Variants in GPR158 observed in about 807,000 individuals in gnomAD.
GPR158 encodes metabotropic glycine receptor.
Under a neutral mutation model 78.2 loss-of-function variants are expected in GPR158, and 30 were observed. The observed-to-expected ratio is 0.38, with a 90% CI of 0.29 to 0.52. The LOEUF is 0.52. Ranked by LOEUF, GPR158 falls within the 20% of genes least tolerant of loss-of-function variation. The probability of loss-of-function intolerance (pLI) is 0.83; values close to 1 mark genes in which losing one functional copy is unlikely to be tolerated. For missense variants in GPR158, 1,463 were observed against 1,523.5 expected, an observed-to-expected ratio of 0.96 and a Z score of 0.66; for synonymous variants, 581 against 591.1, an observed-to-expected ratio of 0.98 and a Z score of 0.25.
chr10:25,599,857 GTAT>G lies in GPR158; in HGVS notation c.*587_*589del, dbSNP rs1837469148. 1 of 152,818 alleles carries G rather than the reference GTAT, an allele frequency of 6.5e-6. No individual in the cohort carries two copies. Among genetic ancestry groups the G allele is most frequent in the Non-Finnish European group, 1.5e-5 (1 of 68,270 alleles). The allele number at this position is 152,818 out of a possible 1,614,324, so 9.5% of individuals were successfully genotyped here. A position where few individuals can be genotyped will look rare whatever the true frequency, so the allele number is the denominator to read the frequency against. ...TGTATAATTTTTGCAAATAACTTTG[GTAT>G]TATGTGACACAACACATTTATGCAA... is the stretch of plus-strand genomic sequence containing the variant. On this transcript the variant is annotated 3_prime_UTR_variant, in exon 11 of 11. Coordinates refer to ENST00000376351, the MANE Select transcript of GPR158 (RefSeq NM_020752.3).
chr10:25,558,681 A>G (rs1297292901), intron 6 of GPR158, among the ~76,000 whole-genome samples: 1 of 152,222 alleles, frequency 6.6e-6, no homozygotes, highest in African/African-American at 2.4e-5. Flanking sequence ...GCTCAGTCCA[A>G]AACAACTGAG....
chr10:25,418,881 T>C (rs1834705316), intron 4 of GPR158, among the ~76,000 whole-genome samples: 1 of 150,714 alleles, frequency 6.6e-6, no homozygotes, highest in Admixed American at 6.6e-5. Context: ...TTCTCCTCTA[T>C]TGCTATAATC....
At chr10:25,580,268 A>G (rs570575246) in intron 7 of GPR158, among the ~76,000 whole-genome samples, 6 of 152,358 alleles carry the variant, frequency 3.9e-5, no homozygotes, top group South Asian at 4.1e-4. Flanking sequence ...TGGATTTCAC[A>G]TAATATAAAA....
chr10:25,567,020 C>G (rs566847547), intron 6 of GPR158, among the ~76,000 whole-genome samples: 1 of 152,064 alleles, frequency 6.6e-6, no homozygotes, highest in Non-Finnish European at 1.5e-5. Flanking sequence ...GGAATTTCTA[C>G]GAACATGGTA....
intron 2 of GPR158, among the ~76,000 whole-genome samples, chr10:25,324,301 T>G (rs535724461): frequency 3.3e-5 from 5 of 152,370 alleles, no homozygotes; most frequent in South Asian, 2.1e-4. Context: ...AACTATTCCT[T>G]TCACTTGAAC....
intron 6 of GPR158, among the ~76,000 whole-genome samples, chr10:25,551,933 T>C (rs1253733533): frequency 6.6e-6 from 1 of 152,204 alleles, no homozygotes; most frequent in Non-Finnish European, 1.5e-5. Flanking sequence ...AGTCTGGCCA[T>C]ACATGTTTCT....
At chr10:25,528,708 A>G (rs1240887846) in intron 5 of GPR158, among the ~76,000 whole-genome samples, 2 of 152,226 alleles carry the variant, frequency 1.3e-5, no homozygotes, top group Non-Finnish European at 2.9e-5. Flanking sequence ...TGTTCTGTAG[A>G]ATCATTGTAA....
chr10:25,457,544 G>A (rs1421577858), intron 4 of GPR158, among the ~76,000 whole-genome samples: 2 of 152,068 alleles, frequency 1.3e-5, no homozygotes. Context: ...AGATTACAGA[G>A]AAGTAGCAGC....
At chr10:25,361,244 T>C (rs1203913634) in intron 2 of GPR158, among the ~76,000 whole-genome samples, 1 of 151,980 alleles carries the variant, frequency 6.6e-6, no homozygotes, top group Admixed American at 6.6e-5. Context: ...TGTTCAACTA[T>C]GTTGTGGCAT....
intron 3 of GPR158, among the ~76,000 whole-genome samples, chr10:25,407,665 T>C (rs1446839383): frequency 6.6e-6 from 1 of 152,170 alleles, no homozygotes; most frequent in Non-Finnish European, 1.5e-5. Context: ...GGAGACAGTC[T>C]TGATGCTTTT....
Position 25,469,592 on chromosome 10 carries a change from G to C in GPR158, c.1404+2873G>C, listed in dbSNP as rs562937201. Among the ~76,000 whole-genome samples, 56 of 152,068 alleles carry C rather than the reference G, an allele frequency of 3.7e-4. No homozygotes were observed. In the South Asian group the frequency reaches 0.011, roughly 31 times the overall value. On this transcript the variant is annotated intron_variant, in intron 5 of 10. Transcript: ENST00000376351. ...GAGGTCAGGAGATCGAGACCATCCT[G>C]TCTAACACGGTGAAACCCCATCTCT...
intron 5 of GPR158, among the ~76,000 whole-genome samples, chr10:25,497,025 G>A (rs751245554): frequency 3.9e-5 from 6 of 152,178 alleles, no homozygotes; most frequent in Admixed American, 6.5e-5. Flanking sequence ...GACGGGCCAA[G>A]GAGGTGAGGA....
At chr10:25,459,796 A>G (rs1323593100) in intron 4 of GPR158, among the ~76,000 whole-genome samples, 4 of 152,118 alleles carry the variant, frequency 2.6e-5, no homozygotes, top group Non-Finnish European at 4.4e-5. Flanking sequence ...ATTGACTTTG[A>G]TGTAATTTGA....
chr10:25,548,817 T>G (rs1451240076), intron 5 of GPR158, among the ~76,000 whole-genome samples: 1 of 152,146 alleles, frequency 6.6e-6, no homozygotes, highest in African/African-American at 2.4e-5. Flanking sequence ...AACTTATACC[T>G]CCACCATGGA....
chr10:25,445,646 A>G (rs1835129914), intron 4 of GPR158, among the ~76,000 whole-genome samples: 1 of 152,140 alleles, frequency 6.6e-6, no homozygotes, highest in African/African-American at 2.4e-5. Flanking sequence ...AGCATGATTC[A>G]CGGCAGCAAC....
At chr10:25,472,873 C>T (rs1367246330) in intron 5 of GPR158, among the ~76,000 whole-genome samples, 1 of 152,154 alleles carries the variant, frequency 6.6e-6, no homozygotes, top group Non-Finnish European at 1.5e-5. Flanking sequence ...CTGGAGTTTT[C>T]TAAATATACA....
intron 4 of GPR158, among the ~76,000 whole-genome samples, chr10:25,452,723 T>C (rs1835237956): frequency 6.6e-6 from 1 of 152,242 alleles, no homozygotes; most frequent in African/African-American, 2.4e-5. Context: ...AGATGGTATA[T>C]ATTCAAAGTG....
At chr10:25,587,534 C>T (rs74126248) in intron 7 of GPR158, among the ~76,000 whole-genome samples, 1,664 of 152,182 alleles carry the variant, frequency 0.011, 28 homozygotes, top group African/African-American at 0.038. Context: ...AAGAAGGCAA[C>T]GGTAATTCCA....
intron 3 of GPR158, among the ~76,000 whole-genome samples, chr10:25,407,137 G>A (rs887840455): frequency 6.6e-6 from 1 of 152,074 alleles, no homozygotes; most frequent in Non-Finnish European, 1.5e-5. Context: ...CTATGTCCAA[G>A]TTCTTATCTT....
Sources: gnomAD v4.1 joint callset for allele counts (sites outside exome capture counted in the v4.1 genomes callset) on GRCh38, gnomAD v4.1.1 for gene constraint, MANE v1.5 for transcripts, NCBI Gene and HGNC (gene_info 2026-07-23, HGNC 2026-07-21) for gene names.